COL22A1: variants seen among roughly 807,000 people sequenced by gnomAD.
COL22A1 encodes the protein collagen alpha-1(XXII) chain.
Under a neutral mutation model 248.9 loss-of-function variants are expected in COL22A1, and 221 were observed. The observed-to-expected ratio is 0.89, with a 90% confidence interval of 0.80 to 0.99. The LOEUF is 0.99. Ranked by LOEUF, COL22A1 falls within the 50% of genes least tolerant of loss-of-function variation. The probability of loss-of-function intolerance (pLI) is 0.00; values close to 1 mark genes in which losing one functional copy is unlikely to be tolerated. For missense variants in COL22A1, 2,240 were observed against 2,179.0 expected (o/e 1.03, Z -0.56); for synonymous variants, 891 against 793.4 (o/e 1.12, Z -2.07).
At chr8:138,826,179 T>C (rs1260969248) in intron 6 of COL22A1, among the ~76,000 whole-genome samples, 2 of 152,222 alleles carry the variant, frequency 1.3e-5, no homozygotes, top group African/African-American at 4.8e-5. Flanking sequence ...GTAGGTACTC[T>C]ATTTTCCATT....
chr8:138,707,499 T>C (rs142022929), intron 30 of COL22A1, among the ~76,000 whole-genome samples: 6,637 of 152,238 alleles, frequency 0.044, 195 homozygotes, highest in East Asian at 0.13. Context: ...AATCAATAAA[T>C]GTAATCCATC....
chr8:138,879,857 C>CAAAAA (rs1824052076), intron 2 of COL22A1, among the ~76,000 whole-genome samples: 1 of 149,008 alleles, frequency 6.7e-6, no homozygotes, highest in Non-Finnish European at 1.5e-5. Flanking sequence ...CAAAACAAAA[C>CAAAAA]AAAAAAACAC....
intron 16 of COL22A1, among the ~76,000 whole-genome samples, chr8:138,772,973 C>T (rs1834512609): frequency 6.6e-6 from 1 of 152,216 alleles, no homozygotes; most frequent in Non-Finnish European, 1.5e-5. Context: ...GGAGGCGTCT[C>T]TGCAAAGCCC....
Position 138,623,784 on chromosome 8 carries a change from C to T in COL22A1, c.3719G>A (p.Gly1240Glu). The change falls in exon 52 of 65, where the codon GGA becomes GAA. Residue 1240 changes from glycine to glutamate, a missense_variant and splice_region_variant. Coordinates refer to ENST00000303045, the MANE Select transcript of COL22A1 (RefSeq NM_152888.3). The stretch of plus-strand genomic sequence containing the variant: ...ATCTCTGCCCTCTTTGCCTTCTTCT[C>T]CCTGCAAGAGAAACTCAAATTGGTT... ...QGPSGLPGIPGEEGKEGRDGK... is the reference protein window; with the variant it reads ...QGPSGLPGIPEEEGKEGRDGK... The T allele has an allele frequency of 2.5e-6, 4 of 1,612,608 alleles. No individual in the cohort carries two copies. Among genetic ancestry groups the T allele is most frequent in the Non-Finnish European group, 3.4e-6 (4 of 1,179,380 alleles).
intron 10 of COL22A1, among the ~76,000 whole-genome samples, chr8:138,805,192 GAT>G (rs1399024711): frequency 7.1e-6 from 1 of 141,668 alleles, no homozygotes; most frequent in African/African-American, 2.7e-5. Context: ...GTGTGTGTGT[GAT>G]TGGGTGTGTG....
At chr8:138,596,712 A>C (rs1003435728) in intron 62 of COL22A1, among the ~76,000 whole-genome samples, 192 bp downstream of exon 62, 1 of 152,224 alleles carries the variant, frequency 6.6e-6, no homozygotes, top group Non-Finnish European at 1.5e-5. Context: ...CTGAAGGACT[A>C]GTCCTAGAGA....
chr8:138,836,309 GGGAAAAGGAAAA>G (rs1053909004), intron 4 of COL22A1, among the ~76,000 whole-genome samples: 2 of 151,786 alleles, frequency 1.3e-5, no homozygotes, highest in African/African-American at 4.9e-5. Flanking sequence ...GAAAGGGAAA[GGGAAAAGGAAAA>G]GGAAAAGGAA....
At chr8:138,693,954 T>C (rs1201924937) in intron 34 of COL22A1, among the ~76,000 whole-genome samples, 1 of 152,008 alleles carries the variant, frequency 6.6e-6, no homozygotes, top group African/African-American at 2.4e-5. Context: ...TCTGTAGAAA[T>C]GTAGCTCAGA....
At chr8:138,609,001 C>G (rs151148601) in intron 56 of COL22A1, among the ~76,000 whole-genome samples, 1 of 152,274 alleles carries the variant, frequency 6.6e-6, no homozygotes, top group Non-Finnish European at 1.5e-5. Flanking sequence ...GAGAATCACT[C>G]TCCGTTGATC....
At chr8:138,593,879 A>G (rs575886796) in intron 63 of COL22A1, 138 bp downstream of exon 63, 159 of 589,394 alleles carry the variant, frequency 2.7e-4, no homozygotes, top group Non-Finnish European at 4.0e-4. Context: ...AAATTATATG[A>G]TGCCAAAACT....
intron 37 of COL22A1, among the ~76,000 whole-genome samples, chr8:138,687,038 C>A (rs1826415228): frequency 6.6e-6 from 1 of 152,180 alleles, no homozygotes; most frequent in South Asian, 2.1e-4. Flanking sequence ...CTCAAGGCAA[C>A]CTCCGCTTCC....
At chr8:138,607,408 G>A (rs563733865) in intron 57 of COL22A1, among the ~76,000 whole-genome samples, 1 of 152,150 alleles carries the variant, frequency 6.6e-6, no homozygotes, top group Non-Finnish European at 1.5e-5. Flanking sequence ...CACCTACCAG[G>A]ACTGAACCCC....
At chr8:138,812,185 C>T (rs1414919366) in intron 8 of COL22A1, among the ~76,000 whole-genome samples, 1 of 152,226 alleles carries the variant, frequency 6.6e-6, no homozygotes, top group East Asian at 1.9e-4. Flanking sequence ...CTATTCTCAC[C>T]TCCTCCTTTT....
intron 12 of COL22A1, among the ~76,000 whole-genome samples, chr8:138,792,862 G>A (rs181692909): frequency 5.3e-4 from 80 of 152,268 alleles, no homozygotes; most frequent in South Asian, 2.9e-3. Flanking sequence ...GCAGCTTCCC[G>A]TCATTTTAGT....
intron 59 of COL22A1, among the ~76,000 whole-genome samples, chr8:138,602,616 C>T (rs1243071509): frequency 1.3e-5 from 2 of 152,202 alleles, no homozygotes; most frequent in Non-Finnish European, 2.9e-5. Context: ...ATACCTACTT[C>T]CCACCTGGCC....
intron 9 of COL22A1, among the ~76,000 whole-genome samples, chr8:138,811,219 G>T (rs112950611): frequency 6.6e-6 from 1 of 150,522 alleles, no homozygotes; most frequent in African/African-American, 2.5e-5. Context: ...TCACAGAAAT[G>T]CACCACTTTT....
At chr8:138,854,340 C>G (rs111596273) in intron 3 of COL22A1, among the ~76,000 whole-genome samples, 4 of 152,308 alleles carry the variant, frequency 2.6e-5, no homozygotes, top group African/African-American at 9.6e-5. Context: ...ACAAGAGCCT[C>G]TGCCCTCCTG....
At chr8:138,844,722 G>A (rs1338350430) in intron 3 of COL22A1, among the ~76,000 whole-genome samples, 3 of 151,990 alleles carry the variant, frequency 2.0e-5, no homozygotes, top group South Asian at 2.1e-4. Flanking sequence ...AGGCCGAGGC[G>A]GGCGGATCAC....
Position 138,606,462 on chromosome 8 carries a change from G to C in COL22A1, c.4033-10C>G, listed in dbSNP as rs763861683. On this transcript the variant is annotated splice_polypyrimidine_tract_variant and intron_variant, in intron 57 of 64. Coordinates refer to ENST00000303045, the MANE Select transcript of COL22A1 (RefSeq NM_152888.3). ...TGCTTCCTTTCTGGCCCTGCAAAGAGAAAACTGAGAATTAATTCCTCAAGG... is the reference window on the plus strand; with the variant it reads ...TGCTTCCTTTCTGGCCCTGCAAAGACAAAACTGAGAATTAATTCCTCAAGG... The C allele has an allele frequency of 6.2e-7, 1 of 1,612,838 alleles. No individual in the cohort carries two copies.
Sources: allele counts gnomAD v4.1 joint callset (sites outside exome capture counted in the v4.1 genomes callset), GRCh38; gene constraint gnomAD v4.1.1; transcripts MANE v1.5; gene names NCBI Gene and HGNC (gene_info 2026-07-23, HGNC 2026-07-21).